CLUH: variants seen among roughly 807,000 people sequenced by gnomAD.
CLUH encodes the protein CLUH binding protein of NUMT mRNA.
CLUH carries 77 observed loss-of-function variants against 139.3 expected under a neutral mutation model. The observed-to-expected ratio is 0.55, with a 90% CI of 0.46 to 0.67. CLUH has a LOEUF of 0.67. Among genes scored for constraint, CLUH ranks in the 30% least tolerant of loss-of-function variants. CLUH has a pLI of 0.00. For missense variants in CLUH, 1,876 were observed against 1,875.8 expected (o/e 1.00, Z 0.00); for synonymous variants, 999 against 801.6 (o/e 1.25, Z -4.16).
Position 2,707,312 on chromosome 17 carries a change from G to A in CLUH, c.101-2748C>T, listed in dbSNP as rs1204995708. The stretch of plus-strand genomic sequence containing the variant: ...CCTCTGCCGCTACCCTTGCCCTAAT[G>A]CAGCCAGTCGGCCCGGGGCTGGAGC... On this transcript the variant is annotated intron_variant, in intron 1 of 25. Transcript: ENST00000651024. The surrounding 1 kb of genome is among the most constrained non-coding windows in gnomAD (Gnocchi z 7.4). 1 of 985,298 alleles carries A rather than the reference G, an allele frequency of 1.0e-6. No homozygotes were observed. The highest frequency in any genetic ancestry group is 1.7e-5 in the African/African-American group (1 of 57,228). The allele number at this position is 985,298 out of a possible 1,614,324, so 61.0% of individuals were successfully genotyped here. A position where few individuals can be genotyped will look rare whatever the true frequency, so the allele number is the denominator to read the frequency against.
rs563650432 is a variant in CLUH at position 2,694,963 on chromosome 17, G to A, written c.2746C>T (p.Pro916Ser). The A allele has an allele frequency of 1.9e-6, 3 of 1,612,854 alleles. No individual in the cohort carries two copies. The highest frequency in any genetic ancestry group is 2.7e-5 in the African/African-American group (2 of 74,938). The part of the protein sequence containing the change: ...KKRNKRRKNR[P>S]PGAADNTAWA... ...GCTGTGTTATCTGCAGCCCCCGGGG[G>A]CCGGTTTTTCCTCCTCTTATTCCGC... Residue 916 changes from proline to serine, a missense_variant, in exon 16 of 26, where the codon CCC becomes TCC. Transcript: ENST00000651024.
intron 23 of CLUH, 27 bp from the exon 24 acceptor site, chr17:2,691,922 C>CCCCGCCCCG (rs769234682): frequency 2.1e-4 from 15 of 71,586 alleles, no homozygotes; most frequent in South Asian, 1.5e-3. Context: ...AGGGATCAGG[C>CCCCGCCCCG]CCCCCCGTGC....
At chr17:2,701,572 C>A (rs771418430) in intron 5 of CLUH, 41 bp downstream of exon 5, 5 of 1,611,066 alleles carry the variant, frequency 3.1e-6, no homozygotes, top group Non-Finnish European at 2.5e-6. Context: ...GGGGCCTCCA[C>A]CCCGCCAGGG....
Position 2,703,242 on chromosome 17 carries a change from C to A in CLUH, c.475+76G>T. Reference sequence around the variant, plus strand: ...ATGAGCTCATCCGTGACACAGGGACCCTGGCATGGATGGTGCTGCCTGCCT... The same window carrying A: ...ATGAGCTCATCCGTGACACAGGGACACTGGCATGGATGGTGCTGCCTGCCT... On this transcript the variant is annotated intron_variant, in intron 3 of 25. Coordinates refer to ENST00000651024, the MANE Select transcript of CLUH (RefSeq NM_001366661.1). The surrounding 1 kb of genome is among the most constrained non-coding windows in gnomAD (Gnocchi z 4.2). 1 of 1,451,422 alleles carries A rather than the reference C, an allele frequency of 6.9e-7. No homozygotes were observed. The highest frequency in any genetic ancestry group is 9.3e-7 in the Non-Finnish European group (1 of 1,072,062). 89.9% of individuals were successfully genotyped at this position (1,451,422 alleles called of 1,614,324 possible).
rs758534660 is a variant in CLUH at position 2,701,965 on chromosome 17, C to T, written c.568G>A (p.Asp190Asn). The T allele has an allele frequency of 2.4e-5, 39 of 1,613,894 alleles. No homozygotes were observed. The highest frequency in any genetic ancestry group is 6.7e-5 in the East Asian group (3 of 44,896). Residue 190 changes from aspartate (D) to asparagine (N), a missense_variant, in exon 4 of 26, where the codon GAC (aspartate) becomes AAC (asparagine). Transcript: ENST00000651024. The stretch of plus-strand genomic sequence containing the variant: ...CTCAGGAAGGACAAGGAGTTGCAGT[C>T]AACCCCGTTGAAGGCATCGGATGGG... Reference protein sequence around the residue: ...LDPSDAFNGVDCNSLSFLSVF... With the variant: ...LDPSDAFNGVNCNSLSFLSVF...
At position 2,690,724 on chromosome 17, in the gene CLUH, T is replaced by C; in HGVS notation, c.3917A>G (p.Gln1306Arg). The C allele has an allele frequency of 1.3e-6, 2 of 1,557,802 alleles. No homozygotes were observed. The highest frequency in any genetic ancestry group is 1.7e-6 in the Non-Finnish European group (2 of 1,159,684). ...TCTATCCCTGTTTCTGCTGGCCTCC[T>C]GGAGCTGGTGCCGCCGCGCCACCTC... is the stretch of plus-strand genomic sequence containing the variant. The part of the protein sequence containing the change: ...KAEVARRHQL[Q>R]EASRNRDRAE... Residue 1306 changes from glutamine to arginine, a missense_variant, in exon 26 of 26, where the codon CAG becomes CGG. Around this residue, in one of 3 missense-constraint regions of CLUH, gnomAD observed 1,454 missense variants for 1,384.4 expected, o/e 1.05. Transcript: ENST00000651024.
intron 1 of CLUH, among the ~76,000 whole-genome samples, chr17:2,710,440 A>G (rs1334015036): frequency 1.3e-5 from 2 of 152,224 alleles, no homozygotes; most frequent in Admixed American, 1.3e-4. Context: ...CTGATTCCCA[A>G]GTCAGCCCTG....
Position 2,707,993 on chromosome 17 carries a change from G to T in CLUH, c.101-3429C>A, listed in dbSNP as rs1357995640. On this transcript the variant is annotated intron_variant, in intron 1 of 25. Transcript: ENST00000651024. The surrounding 1 kb of genome is among the most constrained non-coding windows in gnomAD (Gnocchi z 7.4). ...CAGGCTCCATCTTCCCTTCCCAGCA[G>T]CCCCGGCTCTGCCAGGAGGGAACCA... 1 of 985,438 alleles carries T rather than the reference G, an allele frequency of 1.0e-6. No individual in the cohort carries two copies. The highest frequency in any genetic ancestry group is 1.1e-4 in the East Asian group (1 of 8,810). The allele number at this position is 985,438 out of a possible 1,614,324, so 61.0% of individuals were successfully genotyped here.
At chr17:2,701,337 G>T (rs767840961) in intron 6 of CLUH, 29 bp downstream of exon 6, 3 of 1,606,494 alleles carry the variant, frequency 1.9e-6, no homozygotes, top group South Asian at 2.2e-5. Flanking sequence ...GGCACGGCAG[G>T]GGGGTGTGGT....
In CLUH at chr17:2,691,946, C is replaced by CCCCCG. The variant is rs1433504419; in HGVS notation, c.3654+53_3655-52dup. On this transcript the variant is annotated intron_variant, in intron 23 of 25. Transcript: ENST00000651024. ...GCCCCCCCGTGCCCCCGCGGCCCCGCCCCCGCCCCGCCACGCCCCCGCCCC... is the reference window on the plus strand; with the variant it reads ...GCCCCCCCGTGCCCCCGCGGCCCCGCCCCCGCCCCGCCCCGCCACGCCCCCGCCCC... 8.7e-5 allele frequency: 103 copies of CCCCCG among 1,184,244 alleles called. 2 individuals are homozygous for CCCCCG. The highest frequency in any genetic ancestry group is 5.8e-4 in the Middle Eastern group (2 of 3,442). The allele number at this position is 1,184,244 out of a possible 1,614,324, so 73.4% of individuals were successfully genotyped here.
intron 19 of CLUH, among the ~76,000 whole-genome samples, chr17:2,693,268 C>T (rs565137291): frequency 5.9e-5 from 9 of 151,814 alleles, no homozygotes; most frequent in South Asian, 4.2e-4. Flanking sequence ...TGCTGGCTCA[C>T]GCCTGTAATC....
In CLUH at chr17:2,701,471, G is replaced by A. The variant is rs747274261; in HGVS notation, c.794C>T (p.Pro265Leu). 10 of 1,613,574 alleles carry A rather than the reference G, an allele frequency of 6.2e-6. No homozygotes were observed. The highest frequency in any genetic ancestry group is 1.3e-5 in the African/African-American group (1 of 74,932). Residue 265 changes from proline (P) to leucine (L), a missense_variant, in exon 6 of 26, where the codon CCG (proline) becomes CTG (leucine). Coordinates refer to ENST00000651024, the MANE Select transcript of CLUH (RefSeq NM_001366661.1). ...GTCCCCGTGCATCTTCCGGTTCCCC[G>A]GGGGCGGGTTCCATCCGCTCATGGT... is the stretch of plus-strand genomic sequence containing the variant. ...VLTMSGWNPPPGNRKMHGDLM... is the reference protein window; with the variant it reads ...VLTMSGWNPPLGNRKMHGDLM...
rs1378995491 is a variant in CLUH, at chr17:2,692,673, G to A, written c.3336C>T (p.Phe1112=). 4.3e-6 allele frequency: 7 copies of A among 1,611,988 alleles called. No homozygotes were observed. The highest frequency in any genetic ancestry group is 2.7e-5 in the African/African-American group (2 of 74,882). The change falls in exon 21 of 26, where the codon TTC becomes TTT. Residue 1112 remains phenylalanine (F), a synonymous_variant. Transcript: ENST00000651024. ...QEYMHLALYC[F]ASSQLSTALS... ...GGGCGGTGGACAGCTGGCTGCTGGCGAAGCAGTACAGGGCCAGGTGCATCT... is the reference window on the plus strand; with the variant it reads ...GGGCGGTGGACAGCTGGCTGCTGGCAAAGCAGTACAGGGCCAGGTGCATCT...
intron 22 of CLUH, 131 bp downstream of exon 22, chr17:2,692,230 A>C (rs1186278696): frequency 1.4e-6 from 2 of 1,438,734 alleles, no homozygotes; most frequent in East Asian, 2.5e-5. Context: ...TCCAGGGCTC[A>C]GGGAAGAGGG....
At position 2,704,696 on chromosome 17, in the gene CLUH, C is replaced by T. The variant is rs1028194994; in HGVS notation, c.101-132G>A. On this transcript the variant is annotated intron_variant, in intron 1 of 25. Transcript: ENST00000651024. The surrounding 1 kb of genome is among the most constrained non-coding windows in gnomAD (Gnocchi z 5.7). ...CCCTCGAGAGTCCCAGCCTCACGGT[C>T]GCGCCTCGCCCTCCGTGCACCTGCA... 9.2e-6 allele frequency: 8 copies of T among 866,104 alleles called. 1 individual carries two copies. The Middle Eastern group carries it at 1.1e-3, about 116-fold the overall frequency. The allele number at this position is 866,104 out of a possible 1,614,324, so 53.7% of individuals were successfully genotyped here.
Position 2,706,230 on chromosome 17 carries a change from C to T in CLUH, c.101-1666G>A, listed in dbSNP as rs1320964622. Among the ~76,000 whole-genome samples, 2 of 152,092 alleles carry T rather than the reference C, an allele frequency of 1.3e-5. No homozygotes were observed. Among genetic ancestry groups the T allele is most frequent in the African/African-American group, 2.4e-5 (1 of 41,408 alleles). On this transcript the variant is annotated intron_variant, in intron 1 of 25. Transcript: ENST00000651024. The surrounding 1 kb of genome is among the most constrained non-coding windows in gnomAD (Gnocchi z 4.6). Reference sequence around the variant, plus strand: ...CCTCAGGGAAGGGATGAGGCCAGTACGGAAAGGCAGAGACCGGGGGGCCTG... The same window carrying T: ...CCTCAGGGAAGGGATGAGGCCAGTATGGAAAGGCAGAGACCGGGGGGCCTG...
Position 2,703,934 on chromosome 17 carries a change from G to A in CLUH, c.303+428C>T, listed in dbSNP as rs982215629. 1.3e-5 allele frequency among the ~76,000 whole-genome samples: 2 copies of A among 152,154 alleles called. No homozygotes were observed. Among genetic ancestry groups the A allele is most frequent in the African/African-American group, 2.4e-5 (1 of 41,428 alleles). On this transcript the variant is annotated intron_variant, in intron 2 of 25. Transcript: ENST00000651024. The surrounding 1 kb of genome is among the most constrained non-coding windows in gnomAD (Gnocchi z 4.2). Reference sequence around the variant, plus strand: ...CCGAGACATACGACGACCCTGTCTCGTTCCCCACTGAGTCACCGGCTTGCA... The same window carrying A: ...CCGAGACATACGACGACCCTGTCTCATTCCCCACTGAGTCACCGGCTTGCA...
chr17:2,700,197 T>C lies in CLUH; in HGVS notation c.1266+185A>G, dbSNP rs1404598483. Reference sequence around the variant, plus strand: ...AAGCCTCAGAGAGGCCAGAGAAAGGTACTGGGATGGTCTGCTGGGAGGCGG... The same window carrying C: ...AAGCCTCAGAGAGGCCAGAGAAAGGCACTGGGATGGTCTGCTGGGAGGCGG... On this transcript the variant is annotated intron_variant, in intron 9 of 25. Coordinates refer to ENST00000651024, the MANE Select transcript of CLUH (RefSeq NM_001366661.1). Among the ~76,000 whole-genome samples, 3 of 152,060 alleles carry C rather than the reference T, an allele frequency of 2.0e-5. No homozygotes were observed. In the East Asian group the frequency reaches 5.8e-4, roughly 29 times the overall value.
Position 2,690,067 on chromosome 17 carries a change from T to TC in CLUH, c.*526dup, listed in dbSNP as rs1567571855. 6.6e-6 allele frequency: 1 copy of TC among 150,570 alleles called. No homozygotes were observed. Among genetic ancestry groups the TC allele is most frequent in the East Asian group, 2.0e-4 (1 of 5,098 alleles). 9.3% of individuals were successfully genotyped at this position (150,570 alleles called of 1,614,324 possible). ...TCCAGCCCCGCCACAGAGCTCCGGC[T>TC]CCCCACCCCTCCCCACCGGGTTTTT... On this transcript the variant is annotated 3_prime_UTR_variant, in exon 26 of 26. Coordinates refer to ENST00000651024, the MANE Select transcript of CLUH (RefSeq NM_001366661.1).
Sources: allele counts gnomAD v4.1 joint callset (sites outside exome capture counted in the v4.1 genomes callset), GRCh38; gene constraint gnomAD v4.1.1; regional missense constraint gnomAD v4.1.1; non-coding constraint Gnocchi (gnomAD v3.1); transcripts MANE v1.5; gene names NCBI Gene and HGNC (gene_info 2026-07-23, HGNC 2026-07-21).